CNTNAP2: variants seen among roughly 807,000 people sequenced by gnomAD.
CNTNAP2 encodes contactin-associated protein-like 2.
Under a neutral mutation model 155.2 loss-of-function variants are expected in CNTNAP2, and 98 were observed. That is an observed-to-expected ratio of 0.63 (90% confidence interval 0.54 to 0.75). The LOEUF is 0.75. Among genes scored for constraint, CNTNAP2 ranks in the 30% least tolerant of loss-of-function variants. The pLI is 0.00. For missense variants in CNTNAP2, 1,727 were observed against 1,688.1 expected (o/e 1.02, Z -0.40); for synonymous variants, 651 against 631.2 (o/e 1.03, Z -0.47).
chr7:147,554,193 TA>T (rs1318519663), intron 11 of CNTNAP2, among the ~76,000 whole-genome samples: 4 of 152,176 alleles, frequency 2.6e-5, no homozygotes, highest in Non-Finnish European at 1.5e-5. Flanking sequence ...TAACCCTGAA[TA>T]AAATACAAGT....
intron 3 of CNTNAP2, among the ~76,000 whole-genome samples, chr7:147,014,529 G>T (rs574733426): frequency 6.6e-6 from 1 of 152,140 alleles, no homozygotes; most frequent in East Asian, 1.9e-4. Context: ...AGAGAACATA[G>T]CATGGATTTA....
intron 2 of CNTNAP2, among the ~76,000 whole-genome samples, chr7:146,838,583 G>C (rs1803660829): frequency 6.6e-6 from 1 of 151,996 alleles, no homozygotes; most frequent in South Asian, 2.1e-4. Context: ...CTCCCAAAGT[G>C]CTGGGATTAC....
intron 8 of CNTNAP2, among the ~76,000 whole-genome samples, chr7:147,208,693 T>C (rs1175561226): frequency 6.6e-6 from 1 of 152,018 alleles, no homozygotes; most frequent in African/African-American, 2.4e-5. Context: ...CACACATATA[T>C]TCAGAAATGT....
intron 3 of CNTNAP2, among the ~76,000 whole-genome samples, chr7:146,976,976 G>T (rs779070385): frequency 6.6e-6 from 1 of 152,140 alleles, no homozygotes; most frequent in Non-Finnish European, 1.5e-5. Context: ...GGCGGAGGAA[G>T]ATTCCTGCCC....
At chr7:147,395,470 A>G in intron 9 of CNTNAP2, 139 bp from the exon 10 acceptor site, 1 of 837,954 alleles carries the variant, frequency 1.2e-6, no homozygotes, top group Non-Finnish European at 1.9e-6. Context: ...TCCTTTTTCT[A>G]CACTGAATAT....
chr7:146,320,549 T>C (rs1800983198), intron 1 of CNTNAP2, among the ~76,000 whole-genome samples: 2 of 152,182 alleles, frequency 1.3e-5, no homozygotes, highest in East Asian at 3.8e-4. Context: ...CCTTCCCTTC[T>C]TCCCCTAGGA....
At chr7:148,003,066 A>G (rs186042460) in intron 15 of CNTNAP2, among the ~76,000 whole-genome samples, 2 of 152,278 alleles carry the variant, frequency 1.3e-5, no homozygotes, top group Non-Finnish European at 2.9e-5. Context: ...TTGTGCTGAC[A>G]GTGCAGGTTC....
chr7:147,455,364 G>A (rs968758148), intron 10 of CNTNAP2, among the ~76,000 whole-genome samples: 4 of 151,938 alleles, frequency 2.6e-5, no homozygotes, highest in Admixed American at 1.3e-4. Context: ...ATTTAATAAG[G>A]GGTAAACAAA....
intron 1 of CNTNAP2, among the ~76,000 whole-genome samples, chr7:146,763,260 T>G (rs1374073456): frequency 6.6e-6 from 1 of 152,110 alleles, no homozygotes; most frequent in African/African-American, 2.4e-5. Flanking sequence ...GTGCTAGAAT[T>G]ACTACTCCAC....
intron 13 of CNTNAP2, among the ~76,000 whole-genome samples, chr7:147,741,202 T>C (rs1314859528): frequency 6.6e-6 from 1 of 152,240 alleles, no homozygotes; most frequent in East Asian, 1.9e-4. Context: ...CACTGTCTGC[T>C]ATGTAAGTGC....
chr7:148,104,078 T>G (rs1804156957), intron 15 of CNTNAP2, among the ~76,000 whole-genome samples: 2 of 152,200 alleles, frequency 1.3e-5, no homozygotes, highest in African/African-American at 2.4e-5. Context: ...ATAAAGAAAC[T>G]GAGGTCTTAG....
intron 3 of CNTNAP2, among the ~76,000 whole-genome samples, chr7:146,967,692 G>A (rs2129232214): frequency 6.6e-6 from 1 of 152,298 alleles, no homozygotes; most frequent in East Asian, 1.9e-4. Flanking sequence ...TTGCTTATCA[G>A]CTTAAGGAGA....
intron 1 of CNTNAP2, among the ~76,000 whole-genome samples, chr7:146,605,340 G>A (rs1799029021): frequency 6.6e-6 from 1 of 151,138 alleles, no homozygotes; most frequent in African/African-American, 2.4e-5. Flanking sequence ...TTACCAATGA[G>A]GAAATGGATT....
intron 1 of CNTNAP2, among the ~76,000 whole-genome samples, chr7:146,411,142 C>T (rs1388257757): frequency 3.4e-5 from 5 of 148,690 alleles, no homozygotes; most frequent in Non-Finnish European, 7.4e-5. Context: ...TACTTGAAAA[C>T]TGTGAATAGA....
intron 15 of CNTNAP2, among the ~76,000 whole-genome samples, chr7:148,049,670 A>G (rs1802848334): frequency 6.6e-6 from 1 of 152,148 alleles, no homozygotes. Context: ...ATCACAACAC[A>G]TTACTCCTAT....
In CNTNAP2 at chr7:148,103,603, G is replaced by A. The variant is rs191359199; in HGVS notation, c.2384-14515G>A. Among the ~76,000 whole-genome samples the A allele has an allele frequency of 1.5e-4, 22 of 151,676 alleles. No individual in the cohort carries two copies. The East Asian group carries it at 2.7e-3, about 19-fold the overall frequency. On this transcript the variant is annotated intron_variant, in intron 15 of 23. Transcript: ENST00000361727. Reference sequence around the variant, plus strand: ...TCAATCCTCACCTCAGGATGATTACGAGCAAAGCACAGTGTGTCTAAGCTC... The same window carrying A: ...TCAATCCTCACCTCAGGATGATTACAAGCAAAGCACAGTGTGTCTAAGCTC...
intron 1 of CNTNAP2, among the ~76,000 whole-genome samples, chr7:146,131,231 C>A (rs541668553): frequency 6.6e-6 from 1 of 152,060 alleles, no homozygotes; most frequent in Non-Finnish European, 1.5e-5. Context: ...TCTACTGTTT[C>A]AAAAGTTTGC....
chr7:148,214,461 C>A (rs1371221247), intron 18 of CNTNAP2, among the ~76,000 whole-genome samples: 1 of 152,258 alleles, frequency 6.6e-6, no homozygotes, highest in African/African-American at 2.4e-5. Context: ...TTCATCTTCA[C>A]ACTTCAGTAA....
chr7:146,853,714 T>C (rs1490324987), intron 3 of CNTNAP2, among the ~76,000 whole-genome samples: 1 of 152,054 alleles, frequency 6.6e-6, no homozygotes, highest in Non-Finnish European at 1.5e-5. Context: ...ATATCATAGT[T>C]TTTGATTATA....
Sources: allele counts gnomAD v4.1 joint callset (sites outside exome capture counted in the v4.1 genomes callset), GRCh38; gene constraint gnomAD v4.1.1; transcripts MANE v1.5; gene names NCBI Gene and HGNC (gene_info 2026-07-23, HGNC 2026-07-21).